KLB: variants seen among roughly 807,000 people sequenced by gnomAD.
KLB encodes the protein beta-klotho.
A neutral mutation model predicts 88.4 loss-of-function variants in KLB; 44 were observed. The observed-to-expected ratio is 0.50, with a 90% confidence interval of 0.39 to 0.64. The LOEUF is 0.64. KLB is among the 30% of genes least tolerant of loss of function. The pLI is 0.00. For missense variants in KLB, 1,137 were observed against 1,304.8 expected (o/e 0.87, Z 1.98); for synonymous variants, 548 against 513.4 (o/e 1.07, Z -0.91).
chr4:39,437,780 G>C lies in KLB; in HGVS notation c.1390G>C (p.Asp464His), dbSNP rs1270847859. 1.9e-6 allele frequency: 3 copies of C among 1,614,020 alleles called. No homozygotes were observed. Among genetic ancestry groups the C allele is most frequent in the Non-Finnish European group, 2.5e-6 (3 of 1,180,004 alleles). Residue 464 changes from aspartate (D) to histidine (H), a missense_variant, in exon 3 of 5, where the codon GAT becomes CAT. Transcript: ENST00000257408. ...VFGYTAWSLLDGFEWQDAYTI... is the reference protein window; with the variant it reads ...VFGYTAWSLLHGFEWQDAYTI... ...TGGTTATACTGCCTGGTCTCTCCTG[G>C]ATGGCTTTGAATGGCAGGATGCTTA...
At chr4:39,415,745 T>C (rs147847617) in intron 1 of KLB, among the ~76,000 whole-genome samples, 21 of 152,216 alleles carry the variant, frequency 1.4e-4, no homozygotes, top group Non-Finnish European at 2.6e-4. Flanking sequence ...GCTTTTTATA[T>C]TTTTTTATTA....
chr4:39,447,421 G>C lies in KLB; in HGVS notation c.2695G>C (p.Asp899His), dbSNP rs758584836. 1.2e-6 allele frequency: 2 copies of C among 1,611,788 alleles called. No homozygotes were observed. The highest frequency in any genetic ancestry group is 1.7e-6 in the Non-Finnish European group (2 of 1,178,972). ...ASGIDDQALE[D>H]DRLRKYYLGK... is the part of the protein sequence containing the mutation. Reference sequence around the variant, plus strand: ...TGGCATCGACGACCAGGCTCTGGAGGATGACCGGCTCCGGAAGTACTACCT... The same window carrying C: ...TGGCATCGACGACCAGGCTCTGGAGCATGACCGGCTCCGGAAGTACTACCT... The change falls in exon 4 of 5, where the codon GAT becomes CAT. Residue 899 changes from aspartate (D) to histidine (H), a missense_variant. By Grantham distance (81) the Asp-to-His change is moderately conservative. Coordinates refer to ENST00000257408, the MANE Select transcript of KLB (RefSeq NM_175737.4).
At chr4:39,426,423 AAAAAAAAAAAAAAAAG>A (rs1743218696) in intron 1 of KLB, among the ~76,000 whole-genome samples, 2 of 145,232 alleles carry the variant, frequency 1.4e-5, no homozygotes, top group Admixed American at 1.4e-4. Flanking sequence ...TAAAAAAAAA[AAAAAAAAAAAAAAAAG>A]GGCCATGAAA....
intron 1 of KLB, among the ~76,000 whole-genome samples, chr4:39,428,759 C>T (rs972822050): frequency 1.3e-5 from 2 of 152,108 alleles, no homozygotes; most frequent in African/African-American, 2.4e-5. Context: ...CAGGCTGAAG[C>T]GCAGTGGCGT....
chr4:39,426,354 G>A (rs1743214624), intron 1 of KLB, among the ~76,000 whole-genome samples: 1 of 135,860 alleles, frequency 7.4e-6, no homozygotes, highest in Non-Finnish European at 1.5e-5. Flanking sequence ...GAAGAAGGTT[G>A]CAATGAACTG....
intron 3 of KLB, among the ~76,000 whole-genome samples, chr4:39,443,592 CAAAAAAAA>C (rs770812561): frequency 1.5e-5 from 1 of 65,862 alleles, no homozygotes; most frequent in African/African-American, 5.7e-5. Flanking sequence ...CCTGTCTCTA[CAAAAAAAA>C]AAAAAAAAAA....
intron 1 of KLB, among the ~76,000 whole-genome samples, chr4:39,423,424 A>C (rs1202356710): frequency 6.6e-6 from 1 of 151,846 alleles, no homozygotes; most frequent in Non-Finnish European, 1.5e-5. Context: ...AGCTCTTTTA[A>C]TAACCAAGTA....
chr4:39,450,894 CA>C lies in KLB; in HGVS notation c.*2213del, dbSNP rs1235972609. 6 of 149,186 alleles carry C rather than the reference CA, an allele frequency of 4.0e-5. No homozygotes were observed. The highest frequency in any genetic ancestry group is 1.5e-4 in the African/African-American group (6 of 40,692). The allele number at this position is 149,186 out of a possible 1,614,324, so 9.2% of individuals were successfully genotyped here. A position where few individuals can be genotyped will look rare whatever the true frequency, so the allele number is the denominator to read the frequency against. On this transcript the variant is annotated 3_prime_UTR_variant, in exon 5 of 5. Coordinates refer to ENST00000257408, the MANE Select transcript of KLB (RefSeq NM_175737.4). ...AAAAAAAGGTTAGCCACAGGAATAA[CA>C]AAAACCTGGAATTTATCTTTCAGGT...
At chr4:39,436,790 A>G (rs759053543) in intron 2 of KLB, among the ~76,000 whole-genome samples, 35 of 151,866 alleles carry the variant, frequency 2.3e-4, no homozygotes, top group Non-Finnish European at 4.1e-4. Flanking sequence ...GCTCACTGCA[A>G]TCTCCACCTC....
At chr4:39,438,041 C>T (rs776588336) in intron 3 of KLB, 46 bp downstream of exon 3, 2 of 1,538,994 alleles carry the variant, frequency 1.3e-6, no homozygotes, top group Non-Finnish European at 1.8e-6. Context: ...AAAAACAGTA[C>T]ACACTATTTC....
rs1323655986 is a variant in KLB at position 39,447,387 on chromosome 4, C to G, written c.2661C>G (p.Ile887Met). The G allele has an allele frequency of 6.2e-7, 1 of 1,613,056 alleles. No individual in the cohort carries two copies. Among genetic ancestry groups the G allele is most frequent in the Non-Finnish European group, 8.5e-7 (1 of 1,179,518 alleles). Residue 887 changes from isoleucine to methionine, a missense_variant, in exon 4 of 5, where the codon ATC becomes ATG. Ile to Met is a conservative substitution (Grantham distance 10). Transcript: ENST00000257408. ...ACTACGGCGACATGGACATTTACAT[C>G]ACCGCCAGTGGCATCGACGACCAGG... is the stretch of plus-strand genomic sequence containing the variant. ...RRNYGDMDIY[I>M]TASGIDDQAL... is the part of the protein sequence containing the mutation.
intron 1 of KLB, among the ~76,000 whole-genome samples, chr4:39,409,081 T>A (rs770107441): frequency 6.6e-6 from 1 of 151,912 alleles, no homozygotes; most frequent in African/African-American, 2.4e-5. Flanking sequence ...TTCAGATACA[T>A]CTGCCCTTGA....
At chr4:39,425,845 C>G (rs1743196388) in intron 1 of KLB, among the ~76,000 whole-genome samples, 1 of 152,090 alleles carries the variant, frequency 6.6e-6, no homozygotes, top group Admixed American at 6.6e-5. Flanking sequence ...GGGCCAGGCG[C>G]AGTGGCTCAT....
intron 1 of KLB, among the ~76,000 whole-genome samples, chr4:39,428,693 A>G (rs1743274056): frequency 6.6e-6 from 1 of 152,138 alleles, no homozygotes; most frequent in African/African-American, 2.4e-5. Flanking sequence ...TATTTCTTAA[A>G]TTTTTATTTA....
intron 1 of KLB, among the ~76,000 whole-genome samples, chr4:39,428,255 C>T (rs1482283918): frequency 6.6e-6 from 1 of 152,082 alleles, no homozygotes. Context: ...GGTGAAACCC[C>T]GTCTCTACTA....
intron 1 of KLB, among the ~76,000 whole-genome samples, chr4:39,414,068 A>G (rs962467803): frequency 5.9e-5 from 9 of 152,100 alleles, no homozygotes; most frequent in African/African-American, 2.2e-4. Flanking sequence ...ACCTTGCCAA[A>G]TGTCCCCAGG....
Position 39,446,385 on chromosome 4 carries a change from G to C in KLB, c.1659G>C (p.Trp553Cys). The C allele has an allele frequency of 6.2e-7, 1 of 1,614,196 alleles. No homozygotes were observed. Among genetic ancestry groups the C allele is most frequent in the Non-Finnish European group, 8.5e-7 (1 of 1,180,040 alleles). Residue 553 changes from tryptophan (W) to cysteine (C), a missense_variant, in exon 4 of 5, where the codon TGG becomes TGC. This residue lies in a region of KLB where 597 missense variants were observed against 765.2 expected (regional missense o/e 0.78). Coordinates refer to ENST00000257408, the MANE Select transcript of KLB (RefSeq NM_175737.4). The surrounding 1 kb of genome is among the most constrained non-coding windows in gnomAD (Gnocchi z 6.4). ...PQFSDPHLYV[W>C]NATGNRLLHR... Reference sequence around the variant, plus strand: ...TCAGCGATCCTCATCTGTACGTGTGGAACGCCACTGGCAACAGACTGTTGC... The same window carrying C: ...TCAGCGATCCTCATCTGTACGTGTGCAACGCCACTGGCAACAGACTGTTGC...
rs965511985 is a variant in KLB at position 39,448,942 on chromosome 4, T to C, written c.*256T>C. The C allele has an allele frequency of 2.6e-6, 1 of 389,338 alleles. No homozygotes were observed. The highest frequency in any genetic ancestry group is 4.6e-6 in the Non-Finnish European group (1 of 217,390). 24.1% of individuals were successfully genotyped at this position (389,338 alleles called of 1,614,324 possible). ...GAGGATTACATGCTACATTGCTTCTTAAAGTTTCATCAACTGTATTCCATC... is the reference window on the plus strand; with the variant it reads ...GAGGATTACATGCTACATTGCTTCTCAAAGTTTCATCAACTGTATTCCATC... On this transcript the variant is annotated 3_prime_UTR_variant, in exon 5 of 5. Coordinates refer to ENST00000257408, the MANE Select transcript of KLB (RefSeq NM_175737.4).
intron 1 of KLB, among the ~76,000 whole-genome samples, chr4:39,412,482 T>C (rs1223008411): frequency 2.0e-5 from 3 of 152,128 alleles, no homozygotes; most frequent in Non-Finnish European, 2.9e-5. Context: ...CACTCTCCCA[T>C]CCTCTTGCAC....
Sources: gnomAD v4.1 joint callset for allele counts (sites outside exome capture counted in the v4.1 genomes callset) on GRCh38, gnomAD v4.1.1 for gene constraint, gnomAD v4.1.1 regional missense constraint, Gnocchi (gnomAD v3.1) non-coding constraint, MANE v1.5 for transcripts, NCBI Gene and HGNC (gene_info 2026-07-23, HGNC 2026-07-21) for gene names.